CRYL1: variants seen among roughly 807,000 people sequenced by gnomAD.
CRYL1 encodes crystallin lambda 1.
In CRYL1, 29 loss-of-function variants were observed where a neutral mutation model predicts 36.6. That is an observed-to-expected ratio of 0.79 (90% CI 0.59 to 1.08). The LOEUF (loss-of-function observed/expected upper bound fraction) is 1.08, where lower values mean the gene tolerates loss of function less well. CRYL1 is among the 50% of genes least tolerant of loss of function. The probability of loss-of-function intolerance (pLI) is 0.00; values close to 1 mark genes in which losing one functional copy is unlikely to be tolerated. For missense variants in CRYL1, 411 were observed against 407.9 expected (o/e 1.01, Z -0.06); for synonymous variants, 152 against 151.5 (o/e 1.00, Z -0.02).
chr13:20,503,128 A>C (rs968563906), intron 2 of CRYL1, among the ~76,000 whole-genome samples: 38 of 152,374 alleles, frequency 2.5e-4, no homozygotes, highest in Non-Finnish European at 4.4e-5. Context: ...CATATATATG[A>C]CTTTTACAAA....
At chr13:20,494,833 A>T (rs761335362) in intron 2 of CRYL1, among the ~76,000 whole-genome samples, 1 of 152,216 alleles carries the variant, frequency 6.6e-6, no homozygotes, top group African/African-American at 2.4e-5. Context: ...AGGCTGAGGA[A>T]TGTGCAGTGG....
intron 3 of CRYL1, among the ~76,000 whole-genome samples, chr13:20,484,309 A>G (rs1365761722): frequency 5.3e-5 from 8 of 152,208 alleles, no homozygotes; most frequent in Admixed American, 5.2e-4. Context: ...AGTGGTTGCC[A>G]GCAGATGAGT....
At chr13:20,439,531 GA>G (rs67447037) in intron 4 of CRYL1, 61 bp downstream of exon 4, 16,484 of 483,976 alleles carry the variant, frequency 0.034, 76 homozygotes, top group African/African-American at 0.11. Context: ...AAAAAAAAAA[GA>G]AAAAAAAAAA....
At chr13:20,473,853 G>T (rs188100950) in intron 3 of CRYL1, among the ~76,000 whole-genome samples, 3 of 151,712 alleles carry the variant, frequency 2.0e-5, no homozygotes, top group African/African-American at 7.3e-5. Context: ...GGATTCTAAC[G>T]TCTCAGGAAA....
chr13:20,439,840 A>C, intron 3 of CRYL1, 86 bp from the exon 4 acceptor site: 4 of 1,307,628 alleles, frequency 3.1e-6, no homozygotes, highest in Non-Finnish European at 4.3e-6. Context: ...CATTCCTCAA[A>C]TGAACCACTT....
At chr13:20,508,221 A>G (rs2033839488) in intron 2 of CRYL1, among the ~76,000 whole-genome samples, 1 of 152,076 alleles carries the variant, frequency 6.6e-6, no homozygotes, top group East Asian at 1.9e-4. Flanking sequence ...GGAGACAGAC[A>G]TGGTCTCAAA....
At chr13:20,487,613 C>T (rs2033426027) in intron 3 of CRYL1, among the ~76,000 whole-genome samples, 1 of 151,982 alleles carries the variant, frequency 6.6e-6, no homozygotes, top group South Asian at 2.1e-4. Context: ...TAAATACTTT[C>T]CTTAAAAACT....
rs1001377999 is a variant in CRYL1, at chr13:20,481,689, T to C, written c.276+7681A>G. On this transcript the variant is annotated intron_variant, in intron 3 of 7. Coordinates refer to ENST00000298248, the MANE Select transcript of CRYL1 (RefSeq NM_015974.3). This position sits in a 1 kb window ranked among gnomAD's most constrained non-coding sequence, Gnocchi z 4.1. ...ACTTTGGGAGGCCGAAGCGGGCAGA[T>C]CACCTGAGGTCAGGAGTTCAAGACC... 8.5e-5 allele frequency among the ~76,000 whole-genome samples: 13 copies of C among 152,236 alleles called. No individual in the cohort carries two copies. Among genetic ancestry groups the C allele is most frequent in the Non-Finnish European group, 7.4e-5 (5 of 67,988 alleles).
At chr13:20,457,558 T>C (rs1179598471) in intron 3 of CRYL1, among the ~76,000 whole-genome samples, 1 of 152,204 alleles carries the variant, frequency 6.6e-6, no homozygotes, top group Non-Finnish European at 1.5e-5. Context: ...ACGTAAAACA[T>C]ATCACCAAGC....
intron 3 of CRYL1, among the ~76,000 whole-genome samples, chr13:20,488,065 G>C (rs1448048281): frequency 1.3e-5 from 2 of 152,146 alleles, no homozygotes; most frequent in Non-Finnish European, 2.9e-5. Flanking sequence ...TCACACCACT[G>C]CACTCCAGCC....
chr13:20,516,809 C>T (rs1480352377), intron 1 of CRYL1, among the ~76,000 whole-genome samples: 1 of 152,162 alleles, frequency 6.6e-6, no homozygotes, highest in Non-Finnish European at 1.5e-5. Context: ...GCCTGGCTCA[C>T]ACCTGTAATT....
intron 2 of CRYL1, among the ~76,000 whole-genome samples, chr13:20,497,181 G>A (rs967530686): frequency 2.6e-5 from 4 of 152,000 alleles, no homozygotes; most frequent in Non-Finnish European, 4.4e-5. Flanking sequence ...ACAAGAGGCC[G>A]TTGGGGGGTG....
intron 1 of CRYL1, among the ~76,000 whole-genome samples, chr13:20,519,377 T>A (rs539329203): frequency 2.0e-5 from 3 of 152,156 alleles, no homozygotes; most frequent in Admixed American, 6.5e-5. Flanking sequence ...GTGGGATTGA[T>A]GAAAGACTGC....
At chr13:20,456,635 C>CAA (rs2032693158) in intron 3 of CRYL1, among the ~76,000 whole-genome samples, 1 of 44,400 alleles carries the variant, frequency 2.3e-5, no homozygotes, top group Non-Finnish European at 5.2e-5. Context: ...CACACACACA[C>CAA]ACAAAGACCA....
chr13:20,525,835 G>A lies in CRYL1; in HGVS notation c.-41C>T. ...GCGGCGCCGCGGGCGCTGGGACCAG[G>A]CGCCGGCGGAGCTGCGAGCTCTGGG... is the stretch of plus-strand genomic sequence containing the variant. On this transcript the variant is annotated 5_prime_UTR_variant, in exon 1 of 8. Transcript: ENST00000298248. The surrounding 1 kb of genome is among the most constrained non-coding windows in gnomAD (Gnocchi z 4.3). 1 of 1,217,872 alleles carries A rather than the reference G, an allele frequency of 8.2e-7. No homozygotes were observed. The highest frequency in any genetic ancestry group is 1.0e-6 in the Non-Finnish European group (1 of 977,858). 75.4% of individuals were successfully genotyped at this position (1,217,872 alleles called of 1,614,324 possible).
intron 1 of CRYL1, chr13:20,513,560 G>A (rs940771001): frequency 6.6e-6 from 1 of 152,156 alleles, no homozygotes; most frequent in Non-Finnish European, 1.5e-5. Context: ...GTGATAAACT[G>A]AGGCATGGAG....
chr13:20,504,302 CTTTTTTTTTTTT>C (rs757657892), intron 2 of CRYL1, among the ~76,000 whole-genome samples: 4 of 128,490 alleles, frequency 3.1e-5, no homozygotes, highest in Non-Finnish European at 6.6e-5. Flanking sequence ...CTTTTCTTTT[CTTTTTTTTTTTT>C]TTTTTTTGAG....
chr13:20,458,322 G>A (rs1028930392), intron 3 of CRYL1, among the ~76,000 whole-genome samples: 29 of 152,286 alleles, frequency 1.9e-4, no homozygotes, highest in African/African-American at 6.7e-4. Flanking sequence ...TAAGTAACAG[G>A]AGTGGTTATT....
chr13:20,510,143 G>C (rs2033886919), intron 2 of CRYL1, among the ~76,000 whole-genome samples: 1 of 152,170 alleles, frequency 6.6e-6, no homozygotes, highest in Admixed American at 6.5e-5. Flanking sequence ...ATCCAATCTA[G>C]CAATTGTGCT....
Sources: gnomAD v4.1 joint callset for allele counts (sites outside exome capture counted in the v4.1 genomes callset) on GRCh38, gnomAD v4.1.1 for gene constraint, Gnocchi (gnomAD v3.1) non-coding constraint, MANE v1.5 for transcripts, NCBI Gene and HGNC (gene_info 2026-07-23, HGNC 2026-07-21) for gene names.